CTNNA2: variants seen among roughly 807,000 people sequenced by gnomAD.
CTNNA2 encodes the protein catenin alpha 2, also known as catenin alpha-2.
In CTNNA2, 42 loss-of-function variants were observed where a neutral mutation model predicts 101.0. The observed-to-expected ratio is 0.42, with a 90% CI of 0.32 to 0.54. CTNNA2 has a LOEUF of 0.54. Ranked by LOEUF, CTNNA2 falls within the 20% of genes least tolerant of loss-of-function variation. The probability of loss-of-function intolerance (pLI) is 0.14; values close to 1 mark genes in which losing one functional copy is unlikely to be tolerated. For synonymous variants in CTNNA2, 450 were observed against 456.4 expected (o/e 0.99, Z 0.18); for missense variants, 871 against 1,223.1 (o/e 0.71, Z 4.29).
intron 18 of CTNNA2, among the ~76,000 whole-genome samples, chr2:80,639,238 C>CA (rs1673185296): frequency 6.6e-6 from 1 of 152,052 alleles, no homozygotes; most frequent in Non-Finnish European, 1.5e-5. Flanking sequence ...GAGACACAGT[C>CA]TGTTTCTGTC....
chr2:80,138,503 A>G lies in CTNNA2; in HGVS notation c.1056+228706A>G, dbSNP rs145500830. ...TAGTGTCTGGCATGCAAATAATATT[A>G]GTACTGGGTTTTGTACCCCCTACTC... On this transcript the variant is annotated intron_variant, in intron 7 of 18. Coordinates refer to ENST00000402739, the MANE Select transcript of CTNNA2 (RefSeq NM_001282597.3). 3.2e-3 allele frequency among the ~76,000 whole-genome samples: 482 copies of G among 152,262 alleles called. 3 individuals carry two copies. Among genetic ancestry groups the G allele is most frequent in the African/African-American group, 0.011 (458 of 41,556 alleles).
intron 4 of CTNNA2, among the ~76,000 whole-genome samples, chr2:79,859,240 T>A (rs1201978734): frequency 1.3e-5 from 2 of 152,124 alleles, no homozygotes; most frequent in African/African-American, 4.8e-5. Flanking sequence ...CCAATCTTCC[T>A]GTCTTATTTT....
At chr2:80,077,473 G>A (rs1439316849) in intron 7 of CTNNA2, among the ~76,000 whole-genome samples, 1 of 151,748 alleles carries the variant, frequency 6.6e-6, no homozygotes, top group East Asian at 1.9e-4. Flanking sequence ...TAGCGGTTAG[G>A]CGTGGTGTCC....
chr2:79,327,657 C>T (rs180787173), intron 3 of CTNNA2, among the ~76,000 whole-genome samples: 221 of 152,130 alleles, frequency 1.5e-3, no homozygotes, highest in Admixed American at 2.5e-3. Flanking sequence ...CTAAAAGGGA[C>T]ACTAGGTGGC....
chr2:79,836,557 C>G (rs1679378464), intron 3 of CTNNA2, among the ~76,000 whole-genome samples: 2 of 152,174 alleles, frequency 1.3e-5, no homozygotes, highest in Admixed American at 6.5e-5. Context: ...TTTAACAGCT[C>G]TGGAGGCTAG....
Position 80,491,645 on chromosome 2 carries a change from T to G in CTNNA2, c.1291-53337T>G, listed in dbSNP as rs543545254. On this transcript the variant is annotated intron_variant, in intron 9 of 18. Transcript: ENST00000402739. ...TCCAGGGCATTTTATTGAGCAACTATGAGATGCTGTGGTTAAGAAGCCATT... is the reference window on the plus strand; with the variant it reads ...TCCAGGGCATTTTATTGAGCAACTAGGAGATGCTGTGGTTAAGAAGCCATT... Among the ~76,000 whole-genome samples the G allele has an allele frequency of 5.3e-5, 8 of 152,270 alleles. 1 individual carries two copies. The South Asian group carries it at 1.7e-3, about 32-fold the overall frequency.
chr2:80,382,484 A>G (rs1314029215), intron 7 of CTNNA2, among the ~76,000 whole-genome samples: 2 of 152,232 alleles, frequency 1.3e-5, no homozygotes, highest in African/African-American at 2.4e-5. Flanking sequence ...TTTGCACAAT[A>G]TAGAATTATT....
At chr2:79,975,155 T>C (rs1182007799) in intron 7 of CTNNA2, among the ~76,000 whole-genome samples, 2 of 151,748 alleles carry the variant, frequency 1.3e-5, no homozygotes, top group Non-Finnish European at 2.9e-5. Flanking sequence ...ACTTGCCTTA[T>C]TCGTGAAACA....
intron 2 of CTNNA2, among the ~76,000 whole-genome samples, chr2:79,707,844 G>A (rs1273396665): frequency 1.3e-5 from 2 of 152,158 alleles, no homozygotes; most frequent in African/African-American, 2.4e-5. Context: ...TCCAGCTTGA[G>A]TGGGCTCTGG....
chr2:80,078,129 T>A (rs1226517605), intron 7 of CTNNA2, among the ~76,000 whole-genome samples: 2 of 152,194 alleles, frequency 1.3e-5, no homozygotes, highest in Admixed American at 1.3e-4. Context: ...TTCAACCATT[T>A]ATTAAACTGA....
At chr2:79,249,459 T>G (rs2104269456) in intron 2 of CTNNA2, among the ~76,000 whole-genome samples, 1 of 152,336 alleles carries the variant, frequency 6.6e-6, no homozygotes, top group South Asian at 2.1e-4. Flanking sequence ...CTCTAATGAC[T>G]GAGTCTTATA....
At chr2:80,547,085 A>AG (rs1448642871) in intron 11 of CTNNA2, among the ~76,000 whole-genome samples, 1 of 152,150 alleles carries the variant, frequency 6.6e-6, no homozygotes, top group Non-Finnish European at 1.5e-5. Flanking sequence ...GTGATTTCTG[A>AG]GGGGGGCTGT....
In CTNNA2 at chr2:79,952,600, C is replaced by G. The variant is rs946874571; in HGVS notation, c.1056+42803C>G. Among the ~76,000 whole-genome samples, 15 of 152,166 alleles carry G rather than the reference C, an allele frequency of 9.9e-5. No individual in the cohort carries two copies. In the East Asian group the frequency reaches 2.7e-3, roughly 27 times the overall value. On this transcript the variant is annotated intron_variant, in intron 7 of 18. Transcript: ENST00000402739. ...GAAAATGTGAATTTTACTTTTCTAGCAAAAGAAAAGATATAAAACAATAAT... is the reference window on the plus strand; with the variant it reads ...GAAAATGTGAATTTTACTTTTCTAGGAAAAGAAAAGATATAAAACAATAAT...
At chr2:80,178,251 G>C (rs1158096639) in intron 7 of CTNNA2, among the ~76,000 whole-genome samples, 2 of 152,130 alleles carry the variant, frequency 1.3e-5, no homozygotes, top group African/African-American at 4.8e-5. Flanking sequence ...ATGATGGAAT[G>C]GTGCTGTACA....
At chr2:80,413,282 C>T (rs532475226) in intron 8 of CTNNA2, among the ~76,000 whole-genome samples, 16 of 152,098 alleles carry the variant, frequency 1.1e-4, no homozygotes, top group African/African-American at 3.9e-4. Flanking sequence ...AAGCACAGGG[C>T]CTGATAGAGC....
At chr2:79,908,156 T>C (rs1685550112) in intron 6 of CTNNA2, among the ~76,000 whole-genome samples, 1 of 152,228 alleles carries the variant, frequency 6.6e-6, no homozygotes, top group Non-Finnish European at 1.5e-5. Flanking sequence ...AAGCATCTTT[T>C]ATCTCCCCTT....
intron 7 of CTNNA2, among the ~76,000 whole-genome samples, chr2:80,128,178 G>T (rs1260137328): frequency 6.6e-6 from 1 of 152,068 alleles, no homozygotes; most frequent in South Asian, 2.1e-4. Flanking sequence ...GTTGTGATTG[G>T]GTTTGAAATG....
intron 4 of CTNNA2, among the ~76,000 whole-genome samples, chr2:79,421,400 T>A (rs1036426499): frequency 6.6e-6 from 1 of 152,124 alleles, no homozygotes; most frequent in Non-Finnish European, 1.5e-5. Context: ...AGAAAAAAAA[T>A]TATCCGAAAA....
intron 3 of CTNNA2, among the ~76,000 whole-genome samples, chr2:79,341,013 T>C (rs1224177462): frequency 4.6e-5 from 7 of 151,614 alleles, no homozygotes; most frequent in Admixed American, 3.9e-4. Context: ...ACAATAAATA[T>C]GTTAAACGCT....
Sources: allele counts gnomAD v4.1 joint callset (sites outside exome capture counted in the v4.1 genomes callset), GRCh38; gene constraint gnomAD v4.1.1; transcripts MANE v1.5; gene names NCBI Gene and HGNC (gene_info 2026-07-23, HGNC 2026-07-21).